The following EVA1C variants were observed in gnomAD, a reference collection of about 807,000 sequenced individuals.
EVA1C encodes protein eva-1 homolog C.
EVA1C carries 25 observed loss-of-function variants against 45.4 expected under a neutral mutation model. That is an observed-to-expected ratio of 0.55 (90% CI 0.40 to 0.77). EVA1C has a LOEUF of 0.77. EVA1C is among the 30% of genes least tolerant of loss of function. The pLI, the probability that EVA1C is intolerant of heterozygous loss-of-function variation, is 0.00. For missense variants in EVA1C, 479 were observed against 554.8 expected (o/e 0.86, Z 1.37); for synonymous variants, 190 against 221.2 (o/e 0.86, Z 1.25).
chr21:32,440,757 T>C (rs906111211), intron 1 of EVA1C, among the ~76,000 whole-genome samples: 1 of 152,226 alleles, frequency 6.6e-6, no homozygotes, highest in African/African-American at 2.4e-5. Flanking sequence ...TTATTCACTT[T>C]TGATCTGCTC....
At chr21:32,505,336 G>A (rs1020166981) in intron 7 of EVA1C, among the ~76,000 whole-genome samples, 2 of 152,032 alleles carry the variant, frequency 1.3e-5, no homozygotes, top group African/African-American at 4.8e-5. Context: ...TTCATGTCTT[G>A]CTGTTCCTGA....
At chr21:32,446,048 A>T (rs926525984) in intron 1 of EVA1C, among the ~76,000 whole-genome samples, 3 of 152,168 alleles carry the variant, frequency 2.0e-5, no homozygotes, top group Non-Finnish European at 4.4e-5. Context: ...GTTCGAGACC[A>T]GCCTGGCCAA....
At chr21:32,502,985 T>C (rs554283791) in intron 6 of EVA1C, among the ~76,000 whole-genome samples, 12 of 152,292 alleles carry the variant, frequency 7.9e-5, no homozygotes, top group Non-Finnish European at 1.5e-4. Context: ...CTGGTCCCCC[T>C]GCAGTGGGGG....
chr21:32,495,188 A>G lies in EVA1C; in HGVS notation c.778+18A>G. The G allele has an allele frequency of 2.5e-6, 4 of 1,611,798 alleles. No homozygotes were observed. The highest frequency in any genetic ancestry group is 3.4e-6 in the Non-Finnish European group (4 of 1,178,620). On this transcript the variant is annotated intron_variant, in intron 5 of 7. Coordinates refer to ENST00000300255, the MANE Select transcript of EVA1C (RefSeq NM_058187.5). The stretch of plus-strand genomic sequence containing the variant: ...CGCATGTGGTAAGAACACACCCCCG[A>G]CCAGCTGCCTGATGACACTGCCTCT...
rs201033971 is a variant in EVA1C, at chr21:32,453,355, T to C, written c.204T>C (p.Cys68=). 59 of 1,609,724 alleles carry C rather than the reference T, an allele frequency of 3.7e-5. No homozygotes were observed. The highest frequency in any genetic ancestry group is 4.5e-5 in the Non-Finnish European group (53 of 1,178,070). The change falls in exon 2 of 8, where the codon TGT becomes TGC. Residue 68 remains cysteine, a synonymous_variant. Coordinates refer to ENST00000300255, the MANE Select transcript of EVA1C (RefSeq NM_058187.5). ...TGCAAAACCACACCACCTATGCCTG[T>C]GATGGGGACTATTTGAATCTACAGT... is the stretch of plus-strand genomic sequence containing the variant. The part of the protein sequence containing the change: ...KLLQNHTTYA[C]DGDYLNLQCP...
At chr21:32,460,891 A>T (rs2146279341) in intron 3 of EVA1C, among the ~76,000 whole-genome samples, 1 of 152,154 alleles carries the variant, frequency 6.6e-6, no homozygotes, top group Admixed American at 6.5e-5. Flanking sequence ...GATTATAGGC[A>T]TACACCACCA....
intron 7 of EVA1C, among the ~76,000 whole-genome samples, chr21:32,507,652 G>A (rs1313521332): frequency 6.6e-6 from 1 of 151,722 alleles, no homozygotes; most frequent in Non-Finnish European, 1.5e-5. Context: ...GTTTGCAGGT[G>A]TGCCTGTGTG....
intron 1 of EVA1C, among the ~76,000 whole-genome samples, chr21:32,448,482 C>T (rs1299893124): frequency 6.6e-6 from 1 of 152,186 alleles, no homozygotes; most frequent in Non-Finnish European, 1.5e-5. Context: ...CTCGCCCGAG[C>T]TCCTCGTTCT....
intron 1 of EVA1C, among the ~76,000 whole-genome samples, chr21:32,446,799 C>T (rs2035378916): frequency 6.6e-6 from 1 of 152,206 alleles, no homozygotes; most frequent in Admixed American, 6.5e-5. Context: ...CAGCAACCTT[C>T]TCCACCAACC....
chr21:32,476,834 C>T lies in EVA1C; in HGVS notation c.634+8986C>T, dbSNP rs564321827. The stretch of plus-strand genomic sequence containing the variant: ...ACACACTCCTGAGCATTTCCATAGA[C>T]TTGAGGGTCCCCCCATCTGCGTCAA... On this transcript the variant is annotated intron_variant, in intron 4 of 7. Coordinates refer to ENST00000300255, the MANE Select transcript of EVA1C (RefSeq NM_058187.5). Among the ~76,000 whole-genome samples the T allele has an allele frequency of 4.6e-5, 7 of 152,222 alleles. No homozygotes were observed. In the East Asian group the frequency reaches 1.4e-3, roughly 30 times the overall value.
chr21:32,465,224 A>C (rs2146292997), intron 3 of EVA1C, among the ~76,000 whole-genome samples: 1 of 152,340 alleles, frequency 6.6e-6, no homozygotes, highest in East Asian at 1.9e-4. Flanking sequence ...ACAATTTGGA[A>C]AACTCTGGCT....
intron 1 of EVA1C, among the ~76,000 whole-genome samples, chr21:32,420,564 A>AT (rs879364431): frequency 0.015 from 2,221 of 147,758 alleles, 22 homozygotes; most frequent in African/African-American, 0.022. Context: ...TTTTTTTGGC[A>AT]TTTTTTTTTT....
intron 1 of EVA1C, among the ~76,000 whole-genome samples, chr21:32,422,285 C>T (rs532500260): frequency 1.3e-5 from 2 of 152,002 alleles, no homozygotes; most frequent in South Asian, 2.1e-4. Context: ...AGAAATTATC[C>T]GGAATGAAGC....
chr21:32,484,277 T>C (rs1265163263), intron 4 of EVA1C, among the ~76,000 whole-genome samples: 1 of 152,018 alleles, frequency 6.6e-6, no homozygotes, highest in Non-Finnish European at 1.5e-5. Flanking sequence ...GCGCAGTGGC[T>C]GACACCTGTA....
intron 2 of EVA1C, among the ~76,000 whole-genome samples, chr21:32,457,137 C>A (rs2035812864): frequency 6.6e-6 from 1 of 152,190 alleles, no homozygotes; most frequent in Admixed American, 6.5e-5. Flanking sequence ...CACAGCTCTC[C>A]TGTGTCCTGT....
chr21:32,488,910 G>A (rs748176382), intron 4 of EVA1C, among the ~76,000 whole-genome samples: 1 of 152,158 alleles, frequency 6.6e-6, no homozygotes, highest in Non-Finnish European at 1.5e-5. Context: ...TGTCTTTCTT[G>A]GAGAAATGTC....
intron 4 of EVA1C, among the ~76,000 whole-genome samples, chr21:32,484,435 T>C (rs1227015572): frequency 1.3e-5 from 2 of 151,968 alleles, no homozygotes; most frequent in Admixed American, 1.3e-4. Context: ...TCCCAGCTAC[T>C]TGGGAGGCTG....
intron 1 of EVA1C, among the ~76,000 whole-genome samples, chr21:32,437,158 TCAAAACAAAA>T (rs776137732): frequency 1.4e-5 from 2 of 144,148 alleles, no homozygotes; most frequent in East Asian, 2.0e-4. Context: ...AGACTCTTTC[TCAAAACAAAA>T]CAAAACAAAA....
rs2038102886 is a variant in EVA1C, at chr21:32,515,303, C to T, written c.*113C>T. On this transcript the variant is annotated 3_prime_UTR_variant, in exon 8 of 8. Transcript: ENST00000300255. ...ATGAAGGAGAATTCGTCATGTCATT[C>T]AACACTCGTGAGGCCAGGAAGCTAT... 4.1e-6 allele frequency: 5 copies of T among 1,206,562 alleles called. No individual in the cohort carries two copies. The highest frequency in any genetic ancestry group is 5.8e-6 in the Non-Finnish European group (5 of 866,430). The allele number at this position is 1,206,562 out of a possible 1,614,324, so 74.7% of individuals were successfully genotyped here.
Sources: allele counts gnomAD v4.1 joint callset (sites outside exome capture counted in the v4.1 genomes callset), GRCh38; gene constraint gnomAD v4.1.1; transcripts MANE v1.5; gene names NCBI Gene and HGNC (gene_info 2026-07-23, HGNC 2026-07-21).